The following ZMAT4 variants were observed in gnomAD, a reference collection of about 807,000 sequenced individuals.
The protein encoded by ZMAT4 is zinc finger matrin-type 4, also known as zinc finger matrin-type protein 4.
In ZMAT4, 17 loss-of-function variants were observed where a neutral mutation model predicts 28.7. The ratio of observed to expected loss-of-function variants is 0.59; its 90% CI spans 0.41 to 0.89. ZMAT4 has a LOEUF of 0.89. Ranked by LOEUF, ZMAT4 falls within the 40% of genes least tolerant of loss-of-function variation. ZMAT4 has a pLI of 0.00. For missense variants in ZMAT4, 240 were observed against 283.8 expected, an observed-to-expected ratio of 0.85 and a Z score of 1.11; for synonymous variants, 117 against 109.2, an observed-to-expected ratio of 1.07 and a Z score of -0.44.
intron 5 of ZMAT4, among the ~76,000 whole-genome samples, chr8:40,623,246 C>T (rs556681099): frequency 1.7e-4 from 26 of 152,262 alleles, no homozygotes; most frequent in African/African-American, 5.5e-4. Flanking sequence ...CATGGTCATC[C>T]GAGTTCCTGG....
At chr8:40,755,200 G>C (rs1162140376) in intron 3 of ZMAT4, among the ~76,000 whole-genome samples, 1 of 152,082 alleles carries the variant, frequency 6.6e-6, no homozygotes, top group South Asian at 2.1e-4. Flanking sequence ...TCTCTCTTAG[G>C]TGAAACTCTA....
chr8:40,681,772 T>C (rs748287305), intron 4 of ZMAT4, among the ~76,000 whole-genome samples: 35 of 152,212 alleles, frequency 2.3e-4, no homozygotes, highest in Non-Finnish European at 4.0e-4. Flanking sequence ...AAATATTTGA[T>C]AGTTTCATTA....
intron 3 of ZMAT4, among the ~76,000 whole-genome samples, chr8:40,729,618 A>G (rs1291301212): frequency 3.9e-5 from 5 of 126,798 alleles, no homozygotes; most frequent in African/African-American, 1.5e-4. Flanking sequence ...TTTTTTGAGA[A>G]GGAGTCTCGC....
chr8:40,564,004 G>T lies in ZMAT4; in HGVS notation c.674+17161C>A, dbSNP rs972007690. On this transcript the variant is annotated intron_variant, in intron 6 of 6. Transcript: ENST00000297737. ...ATGTCCTTTCACTTTCTCATCCCAG[G>T]CTCCCTCGGATTGTCAGAGACCACA... 7.9e-5 allele frequency among the ~76,000 whole-genome samples: 12 copies of T among 152,014 alleles called. 1 individual carries two copies. Among genetic ancestry groups the T allele is most frequent in the Admixed American group, 5.2e-4 (8 of 15,246 alleles).
chr8:40,601,467 AGG>A (rs1805315470), intron 5 of ZMAT4, among the ~76,000 whole-genome samples: 2 of 84,216 alleles, frequency 2.4e-5, no homozygotes, highest in East Asian at 3.0e-4. Flanking sequence ...GGAGGAAGAA[AGG>A]AAAGAAAGAA....
At chr8:40,735,832 T>C (rs1811739386) in intron 3 of ZMAT4, among the ~76,000 whole-genome samples, 1 of 152,122 alleles carries the variant, frequency 6.6e-6, no homozygotes, top group Admixed American at 6.5e-5. Flanking sequence ...GAACAGCATG[T>C]CTGGATGGGC....
rs1410696200 is a variant in ZMAT4, at chr8:40,655,031, T to G, written c.577+19673A>C. Among the ~76,000 whole-genome samples, 10 of 146,220 alleles carry G rather than the reference T, an allele frequency of 6.8e-5. No homozygotes were observed. In the South Asian group the frequency reaches 2.0e-3, roughly 29 times the overall value. On this transcript the variant is annotated intron_variant, in intron 5 of 6. Coordinates refer to ENST00000297737, the MANE Select transcript of ZMAT4 (RefSeq NM_024645.3). Reference sequence around the variant, plus strand: ...CTCTCTATTGGGAGATAACATGATGTTGTATTTAGAAAATCCTAAGGAATA... The same window carrying G: ...CTCTCTATTGGGAGATAACATGATGGTGTATTTAGAAAATCCTAAGGAATA...
intron 6 of ZMAT4, among the ~76,000 whole-genome samples, chr8:40,535,484 C>G (rs1377408828): frequency 6.6e-6 from 1 of 152,076 alleles, no homozygotes; most frequent in East Asian, 1.9e-4. Context: ...TCCTGGCCAA[C>G]ATGGTGAAAC....
intron 3 of ZMAT4, among the ~76,000 whole-genome samples, chr8:40,709,309 A>G (rs1810501643): frequency 6.6e-6 from 1 of 152,072 alleles, no homozygotes; most frequent in Non-Finnish European, 1.5e-5. Flanking sequence ...GGTTGAATCC[A>G]TGAATGTGGA....
At chr8:40,683,455 T>C (rs1757137739) in intron 4 of ZMAT4, among the ~76,000 whole-genome samples, 1 of 152,192 alleles carries the variant, frequency 6.6e-6, no homozygotes, top group Non-Finnish European at 1.5e-5. Flanking sequence ...AGGAAATCTG[T>C]AAGGTATTTT....
intron 6 of ZMAT4, among the ~76,000 whole-genome samples, chr8:40,553,746 G>A (rs2118432432): frequency 6.6e-6 from 1 of 152,288 alleles, no homozygotes; most frequent in East Asian, 1.9e-4. Flanking sequence ...CAGAATTCCT[G>A]AATTTCAAAC....
chr8:40,667,387 C>T (rs1808463619), intron 5 of ZMAT4, among the ~76,000 whole-genome samples: 1 of 152,160 alleles, frequency 6.6e-6, no homozygotes, highest in Non-Finnish European at 1.5e-5. Flanking sequence ...GTCTCCTGAC[C>T]TCGTGATCCA....
chr8:40,675,516 T>C (rs1808873209), intron 4 of ZMAT4, among the ~76,000 whole-genome samples: 1 of 152,180 alleles, frequency 6.6e-6, no homozygotes, highest in Non-Finnish European at 1.5e-5. Context: ...AAAATAAATA[T>C]TGGATAAAAT....
At chr8:40,598,080 C>T (rs1160421166) in intron 5 of ZMAT4, among the ~76,000 whole-genome samples, 1 of 151,974 alleles carries the variant, frequency 6.6e-6, no homozygotes, top group South Asian at 2.1e-4. Flanking sequence ...AGGATTATAC[C>T]ACAATTCAGA....
intron 4 of ZMAT4, among the ~76,000 whole-genome samples, chr8:40,690,516 T>G (rs1809615523): frequency 6.6e-6 from 1 of 152,206 alleles, no homozygotes; most frequent in Non-Finnish European, 1.5e-5. Context: ...ATCTGCTTGT[T>G]TGACAAACTA....
chr8:40,653,828 C>T (rs1219259727), intron 5 of ZMAT4, among the ~76,000 whole-genome samples: 1 of 152,102 alleles, frequency 6.6e-6, no homozygotes, highest in Non-Finnish European at 1.5e-5. Flanking sequence ...GTGAATTCTA[C>T]TATTTTAAGA....
At chr8:40,725,841 A>G (rs1009882068) in intron 3 of ZMAT4, among the ~76,000 whole-genome samples, 11 of 152,248 alleles carry the variant, frequency 7.2e-5, no homozygotes, top group Non-Finnish European at 1.5e-5. Context: ...ATTGCATTTA[A>G]AGAAACAGGG....
intron 5 of ZMAT4, among the ~76,000 whole-genome samples, chr8:40,596,023 G>T (rs1805089551): frequency 6.6e-6 from 1 of 152,138 alleles, no homozygotes. Flanking sequence ...GAGGGAGGTT[G>T]CAGTGTTGCA....
At chr8:40,538,508 T>C (rs754570810) in intron 6 of ZMAT4, among the ~76,000 whole-genome samples, 1 of 152,194 alleles carries the variant, frequency 6.6e-6, no homozygotes, top group Non-Finnish European at 1.5e-5. Flanking sequence ...CGGGCCATAG[T>C]AACTCATATT....
Sources: gnomAD v4.1 joint callset for allele counts (sites outside exome capture counted in the v4.1 genomes callset) on GRCh38, gnomAD v4.1.1 for gene constraint, MANE v1.5 for transcripts, NCBI Gene and HGNC (gene_info 2026-07-23, HGNC 2026-07-21) for gene names.